The following SGCD variants were observed in gnomAD, a reference collection of about 807,000 sequenced individuals.
The protein encoded by SGCD is delta-sarcoglycan.
In SGCD, 18 loss-of-function variants were observed where a neutral mutation model predicts 36.6. That is an observed-to-expected ratio of 0.49 (90% CI 0.34 to 0.73). The LOEUF (loss-of-function observed/expected upper bound fraction) is 0.73, where lower values mean the gene tolerates loss of function less well. Ranked by LOEUF, SGCD falls within the 30% of genes least tolerant of loss-of-function variation. The pLI, the probability that SGCD is intolerant of heterozygous loss-of-function variation, is 0.01. For synonymous variants in SGCD, 133 were observed against 130.6 expected (o/e 1.02, Z -0.12); for missense variants, 387 against 346.7 (o/e 1.12, Z -0.92).
intron 3 of SGCD, among the ~76,000 whole-genome samples, chr5:156,464,216 A>T (rs866782562): frequency 0.015 from 1,742 of 116,402 alleles, 66 homozygotes; most frequent in African/African-American, 0.052. Flanking sequence ...GAATCTACAT[A>T]TTTTTTTTTT....
chr5:156,329,613 G>A (rs191373760), intron 2 of SGCD, 34 bp downstream of exon 2: 2 of 1,603,106 alleles, frequency 1.2e-6, no homozygotes, highest in East Asian at 2.2e-5. Context: ...CTTGTTCAAG[G>A]CCCTGCTCAT....
intron 3 of SGCD, among the ~76,000 whole-genome samples, chr5:156,451,787 T>A (rs905049633): frequency 6.6e-6 from 1 of 152,168 alleles, no homozygotes; most frequent in East Asian, 1.9e-4. Context: ...CTTCATTCTG[T>A]CTGCACTGAG....
chr5:156,309,131 G>T lies in SGCD; in HGVS notation c.-43-20403G>T, dbSNP rs183338833. On this transcript the variant is annotated intron_variant, in intron 3 of 9. Coordinates refer to the SGCD transcript ENST00000517913. ...AATTTCTCTGTGTGTGTCCTTTGAGGTTATCTCCTTGGGTTCGTTGAGCTT... is the reference window on the plus strand; with the variant it reads ...AATTTCTCTGTGTGTGTCCTTTGAGTTTATCTCCTTGGGTTCGTTGAGCTT... 1.5e-4 allele frequency among the ~76,000 whole-genome samples: 23 copies of T among 152,038 alleles called. No homozygotes were observed. In the East Asian group the frequency reaches 4.4e-3, roughly 29 times the overall value.
At chr5:155,772,083 A>G in the SGCD span, among the ~76,000 whole-genome samples, 1,449 of 152,278 alleles carry the variant, frequency 9.5e-3, 21 homozygotes, top group African/African-American at 0.033. Context: ...TAGTTAAGCT[A>G]TGGGAAGTAG....
intron 7 of SGCD, among the ~76,000 whole-genome samples, chr5:156,718,090 A>G (rs567354585): frequency 6.6e-6 from 1 of 152,020 alleles, no homozygotes; most frequent in Non-Finnish European, 1.5e-5. Flanking sequence ...TGGCCTCTCC[A>G]TTTCTCTTCC....
Sources: gnomAD v4.1 joint callset for allele counts (sites outside exome capture counted in the v4.1 genomes callset) on GRCh38, gnomAD v4.1.1 for gene constraint, MANE v1.5 for transcripts, NCBI Gene and HGNC (gene_info 2026-07-23, HGNC 2026-07-21) for gene names.